Variants in PCDHGA8 observed in about 807,000 individuals in gnomAD.
The protein encoded by PCDHGA8 is protocadherin gamma-A8.
PCDHGA8 carries 45 observed loss-of-function variants against 59.2 expected under a neutral mutation model. The ratio of observed to expected loss-of-function variants is 0.76; its 90% confidence interval spans 0.60 to 0.98. PCDHGA8 has a LOEUF of 0.98. Among genes scored for constraint, PCDHGA8 ranks in the 50% least tolerant of loss-of-function variants. PCDHGA8 has a pLI of 0.00. For synonymous variants in PCDHGA8, 531 were observed against 519.0 expected, an observed-to-expected ratio of 1.02 and a Z score of -0.32; for missense variants, 1,257 against 1,196.2, an observed-to-expected ratio of 1.05 and a Z score of -0.75.
At chr5:141,413,812 C>T in intron 1 of PCDHGA8, 2 of 1,613,144 alleles carry the variant, frequency 1.2e-6, no homozygotes, top group Non-Finnish European at 1.7e-6. Flanking sequence ...GGCCATTCAC[C>T]ACCTGGTCCT....
At position 141,431,580 on chromosome 5, in the gene PCDHGA8, A is replaced by G. The variant is rs777990962; in HGVS notation, c.2424+36343A>G. ...GCTACCGACCCTGACGAAGGAGTCA[A>G]TGCGGAAGTGAGGTATTCCTTCCGG... On this transcript the variant is annotated intron_variant, in intron 1 of 3. Coordinates refer to ENST00000398604, the MANE Select transcript of PCDHGA8 (RefSeq NM_032088.2). The surrounding 1 kb of genome is among the most constrained non-coding windows in gnomAD (Gnocchi z 4.8). 1.2e-5 allele frequency: 19 copies of G among 1,614,098 alleles called. No homozygotes were observed. Among genetic ancestry groups the G allele is most frequent in the Non-Finnish European group, 1.5e-5 (18 of 1,180,040 alleles).
intron 1 of PCDHGA8, among the ~76,000 whole-genome samples, chr5:141,435,760 T>TTGGTGAATTC (rs2097778609): frequency 1.3e-5 from 2 of 152,172 alleles, no homozygotes; most frequent in African/African-American, 4.8e-5. Context: ...TTGATTTCTT[T>TTGGTGAATTC]TGGTGAATTC....
At chr5:141,400,227 C>T in intron 1 of PCDHGA8, 1 of 1,614,052 alleles carries the variant, frequency 6.2e-7, no homozygotes, top group Middle Eastern at 1.6e-4. Flanking sequence ...TGCTCTTCCT[C>T]CTGGCCGTGA....
intron 1 of PCDHGA8, among the ~76,000 whole-genome samples, chr5:141,445,011 T>C (rs970882082): frequency 1.3e-5 from 2 of 152,196 alleles, no homozygotes; most frequent in Non-Finnish European, 2.9e-5. Flanking sequence ...AATTAGGTCT[T>C]TAATTTCTCT....
intron 1 of PCDHGA8, among the ~76,000 whole-genome samples, chr5:141,449,342 C>T (rs895923034): frequency 3.3e-5 from 5 of 151,854 alleles, no homozygotes; most frequent in Non-Finnish European, 5.9e-5. Context: ...TGCAGTGGCT[C>T]ACTCCTGTAA....
chr5:141,502,524 C>T (rs959562458), intron 2 of PCDHGA8, among the ~76,000 whole-genome samples: 3 of 151,910 alleles, frequency 2.0e-5, no homozygotes, highest in East Asian at 1.9e-4. Flanking sequence ...TCAGTGATGC[C>T]GAGTTTGTTC....
intron 1 of PCDHGA8, chr5:141,421,420 G>A: frequency 6.2e-7 from 1 of 1,614,084 alleles, no homozygotes; most frequent in Admixed American, 1.7e-5. Context: ...GAAGCGCGGA[G>A]TCCGCATCGT....
intron 1 of PCDHGA8, chr5:141,403,199 A>AC (rs1480420470): frequency 6.2e-7 from 1 of 1,613,812 alleles, no homozygotes; most frequent in African/African-American, 1.3e-5. Flanking sequence ...GCGCAGCGGC[A>AC]CCTTGGTCAC....
chr5:141,427,907 C>T, intron 1 of PCDHGA8: 1 of 1,575,688 alleles, frequency 6.3e-7, no homozygotes, highest in Non-Finnish European at 8.7e-7. Flanking sequence ...CCGCGCTCAG[C>T]GCCAACATGA....
At chr5:141,451,091 G>A (rs2098706622) in intron 1 of PCDHGA8, among the ~76,000 whole-genome samples, 1 of 151,962 alleles carries the variant, frequency 6.6e-6, no homozygotes, top group South Asian at 2.1e-4. Context: ...ACCTCCCAAA[G>A]TGTTGGGATT....
intron 1 of PCDHGA8, among the ~76,000 whole-genome samples, chr5:141,436,350 C>T (rs1034303123): frequency 5.9e-5 from 9 of 152,126 alleles, no homozygotes; most frequent in Non-Finnish European, 1.3e-4. Flanking sequence ...TCAGTGACTT[C>T]AATCAACTAT....
intron 1 of PCDHGA8, chr5:141,418,120 G>A: frequency 6.2e-7 from 1 of 1,614,084 alleles, no homozygotes; most frequent in Non-Finnish European, 8.5e-7. Context: ...TACTTGTGAA[G>A]GACCGAATAG....
chr5:141,400,254 G>T, intron 1 of PCDHGA8: 1 of 1,613,980 alleles, frequency 6.2e-7, no homozygotes, highest in Non-Finnish European at 8.5e-7. Flanking sequence ...CCGTTGCCTT[G>T]CGCCTGCGAC....
intron 1 of PCDHGA8, among the ~76,000 whole-genome samples, chr5:141,492,329 C>T (rs2099739386): frequency 1.3e-5 from 2 of 152,232 alleles, no homozygotes; most frequent in African/African-American, 4.8e-5. Context: ...CGTGGGCTTA[C>T]GCGAATACCA....
chr5:141,414,647 T>C (rs1369045439), intron 1 of PCDHGA8: 3 of 1,613,926 alleles, frequency 1.9e-6, no homozygotes, highest in South Asian at 2.2e-5. Flanking sequence ...AATGCCCAGA[T>C]TATTTACTCC....
intron 1 of PCDHGA8, among the ~76,000 whole-genome samples, chr5:141,471,855 G>A (rs955016680): frequency 3.3e-5 from 5 of 152,108 alleles, no homozygotes; most frequent in Non-Finnish European, 7.4e-5. Context: ...TTCAGAAAAA[G>A]CAAAACTGTG....
chr5:141,394,101 C>A lies in PCDHGA8; in HGVS notation c.1288C>A (p.Pro430Thr), dbSNP rs753056702. ...ITVMASDLGTPPLSTETQIAL... is the reference protein window; with the variant it reads ...ITVMASDLGTTPLSTETQIAL... ...AGTGATGGCCTCAGATCTAGGAACA[C>A]CACCTCTGTCCACTGAAACTCAAAT... is the stretch of plus-strand genomic sequence containing the variant. The change falls in exon 1 of 4, where the codon CCA becomes ACA. Residue 430 changes from proline to threonine, a missense_variant. Transcript: ENST00000398604. 4.3e-6 allele frequency: 7 copies of A among 1,613,944 alleles called. No individual in the cohort carries two copies. Among genetic ancestry groups the A allele is most frequent in the Middle Eastern group, 1.6e-4 (1 of 6,062 alleles).
chr5:141,477,817 C>G lies in PCDHGA8; in HGVS notation c.2425-16990C>G, dbSNP rs1593824080. 2 of 1,614,138 alleles carry G rather than the reference C, an allele frequency of 1.2e-6. No individual in the cohort carries two copies. The highest frequency in any genetic ancestry group is 8.5e-7 in the Non-Finnish European group (1 of 1,180,038). ...ATCGCAATGACAATGCCCCCCAGGT[C>G]CTATATCCTCGGCCAGGTGGGAGCT... is the stretch of plus-strand genomic sequence containing the variant. On this transcript the variant is annotated intron_variant, in intron 1 of 3. Coordinates refer to ENST00000398604, the MANE Select transcript of PCDHGA8 (RefSeq NM_032088.2). This position sits in a 1 kb window ranked among gnomAD's most constrained non-coding sequence, Gnocchi z 4.9.
In PCDHGA8 at chr5:141,491,958, A is replaced by C; in HGVS notation, c.2425-2849A>C. The C allele has an allele frequency of 2.0e-6, 2 of 999,758 alleles. No homozygotes were observed. Among genetic ancestry groups the C allele is most frequent in the Non-Finnish European group, 2.8e-6 (2 of 718,534 alleles). The allele number at this position is 999,758 out of a possible 1,614,324, so 61.9% of individuals were successfully genotyped here. The stretch of plus-strand genomic sequence containing the variant: ...ACCGACCCCCACCCCTACACTCAAA[A>C]AAGGCCGGGGCCTCCTTCGAGCTTC... On this transcript the variant is annotated intron_variant, in intron 1 of 3. Coordinates refer to ENST00000398604, the MANE Select transcript of PCDHGA8 (RefSeq NM_032088.2). The surrounding 1 kb of genome is among the most constrained non-coding windows in gnomAD (Gnocchi z 6.9).
Sources: allele counts gnomAD v4.1 joint callset (sites outside exome capture counted in the v4.1 genomes callset), GRCh38; gene constraint gnomAD v4.1.1; non-coding constraint Gnocchi (gnomAD v3.1); transcripts MANE v1.5; gene names NCBI Gene and HGNC (gene_info 2026-07-23, HGNC 2026-07-21).